MROH1: variants seen among roughly 807,000 people sequenced by gnomAD.
MROH1 encodes maestro heat like repeat family member 1.
In MROH1, 117 loss-of-function variants were observed where a neutral mutation model predicts 116.5. That is an observed-to-expected ratio of 1.00 (90% confidence interval 0.86 to 1.17). MROH1 has a LOEUF of 1.17. Among genes scored for constraint, MROH1 ranks in the 50% most tolerant of loss-of-function variants. The pLI, the probability that MROH1 is intolerant of heterozygous loss-of-function variation, is 0.00. For synonymous variants in MROH1, 921 were observed against 583.9 expected (o/e 1.58, Z -8.32); for missense variants, 1,873 against 1,338.5 (o/e 1.40, Z -6.23).
At chr8:144,161,495 G>T (rs1819516777) in intron 2 of MROH1, among the ~76,000 whole-genome samples, 1 of 152,180 alleles carries the variant, frequency 6.6e-6, no homozygotes. Context: ...TAGGTGTTTT[G>T]CTGGGCCCTA....
chr8:144,244,034 G>C (rs1362858466), intron 26 of MROH1, 92 bp downstream of exon 26: 1 of 724,092 alleles, frequency 1.4e-6, no homozygotes. Context: ...GCGTGTGCAT[G>C]TGCGTGTGTG....
chr8:144,258,858 C>G lies in MROH1; in HGVS notation c.3873C>G (p.Gly1291=), dbSNP rs1844425167. ...TACAGCGCATGGACCTGGAGGGAGG[C>G]TGGGAACTGCTCAGGACCTCGGCGG... ...DVVQRMDLEG[G]WELLRTSAGH... The change falls in exon 36 of 44, where the codon GGC becomes GGG. Residue 1291 remains glycine (G), a synonymous_variant. Transcript: ENST00000326134. The G allele has an allele frequency of 1.3e-6, 1 of 769,540 alleles. No homozygotes were observed. The highest frequency in any genetic ancestry group is 1.4e-5 in the South Asian group (1 of 72,768). 47.7% of individuals were successfully genotyped at this position (769,540 alleles called of 1,614,324 possible). A position where few individuals can be genotyped will look rare whatever the true frequency, so the allele number is the denominator to read the frequency against.
chr8:144,214,090 C>G (rs915764784), intron 12 of MROH1: 2 of 152,254 alleles, frequency 1.3e-5, no homozygotes, highest in African/African-American at 4.8e-5. Flanking sequence ...CCTTTCTGCT[C>G]CCACCAGCAA....
chr8:144,159,527 C>T (rs1033286517), intron 1 of MROH1, among the ~76,000 whole-genome samples: 1 of 152,198 alleles, frequency 6.6e-6, no homozygotes, highest in Non-Finnish European at 1.5e-5. Context: ...TCTAATGTGA[C>T]TCCAGCTTTC....
intron 3 of MROH1, among the ~76,000 whole-genome samples, 171 bp downstream of exon 3, chr8:144,164,019 TC>T (rs1820173642): frequency 6.6e-6 from 1 of 151,634 alleles, no homozygotes; most frequent in African/African-American, 2.4e-5. Flanking sequence ...TGTAGACTTC[TC>T]CCACACGAGC....
intron 10 of MROH1, among the ~76,000 whole-genome samples, chr8:144,194,092 C>A (rs1238593297): frequency 6.6e-6 from 1 of 152,060 alleles, no homozygotes; most frequent in Admixed American, 6.6e-5. Context: ...GATGGAGTTT[C>A]GCTCTTGTTG....
At position 144,168,579 on chromosome 8, in the gene MROH1, C is replaced by T. The variant is rs547661935; in HGVS notation, c.168+139C>T. On this transcript the variant is annotated intron_variant, in intron 4 of 43. Coordinates refer to ENST00000326134, the MANE Select transcript of MROH1 (RefSeq NM_032450.3). ...GTGGCCACATGTCTAACCCCCTCCA[C>T]ACGTGCCTATGTCAGGGTGGGTAAC... The T allele has an allele frequency of 9.1e-6, 9 of 991,608 alleles. No individual in the cohort carries two copies. In the Admixed American group the frequency reaches 2.0e-4, roughly 22 times the overall value. 61.4% of individuals were successfully genotyped at this position (991,608 alleles called of 1,614,324 possible). A position where few individuals can be genotyped will look rare whatever the true frequency, so the allele number is the denominator to read the frequency against.
chr8:144,239,830 G>A, intron 18 of MROH1, 75 bp downstream of exon 18: 1 of 702,804 alleles, frequency 1.4e-6, no homozygotes, highest in Non-Finnish European at 2.7e-6. Context: ...TGCTAGCTCT[G>A]ACCCCACCTT....
intron 14 of MROH1, among the ~76,000 whole-genome samples, chr8:144,223,766 C>T (rs1837282869): frequency 6.6e-6 from 1 of 152,202 alleles, no homozygotes; most frequent in Non-Finnish European, 1.5e-5. Flanking sequence ...GGCTGCTGAG[C>T]GCATCGGTGC....
At chr8:144,228,417 C>T (rs555999379) in intron 14 of MROH1, among the ~76,000 whole-genome samples, 2 of 152,278 alleles carry the variant, frequency 1.3e-5, no homozygotes, top group East Asian at 3.9e-4. Flanking sequence ...ATATTGATAG[C>T]TGCTGGACTG....
chr8:144,218,587 A>G (rs114634586), intron 12 of MROH1, among the ~76,000 whole-genome samples: 4,566 of 150,046 alleles, frequency 0.03, 243 homozygotes, highest in African/African-American at 0.11. Context: ...TTCCAGCTCA[A>G]TTCATACTAT....
intron 14 of MROH1, among the ~76,000 whole-genome samples, chr8:144,236,414 G>A (rs1329801603): frequency 6.6e-6 from 1 of 152,094 alleles, no homozygotes; most frequent in Non-Finnish European, 1.5e-5. Flanking sequence ...AGATCTTTGG[G>A]ATTAAGTAAA....
intron 14 of MROH1, among the ~76,000 whole-genome samples, chr8:144,235,153 C>T (rs1208910020): frequency 2.0e-5 from 3 of 152,176 alleles, no homozygotes; most frequent in Non-Finnish European, 4.4e-5. Flanking sequence ...ATCTTGGCCT[C>T]CCAAAGTGCA....
chr8:144,240,687 C>T lies in MROH1; in HGVS notation c.1935+10C>T. Reference sequence around the variant, plus strand: ...GGCACCCCAGGAGAAGGTGGGGCACCTGCTGGCGTTCTTGGTGTGGTACTT... The same window carrying T: ...GGCACCCCAGGAGAAGGTGGGGCACTTGCTGGCGTTCTTGGTGTGGTACTT... On this transcript the variant is annotated intron_variant, in intron 20 of 43. Transcript: ENST00000326134. The T allele has an allele frequency of 1.4e-6, 1 of 715,542 alleles. No homozygotes were observed. Among genetic ancestry groups the T allele is most frequent in the South Asian group, 1.5e-5 (1 of 67,534 alleles). 44.3% of individuals were successfully genotyped at this position (715,542 alleles called of 1,614,324 possible).
At chr8:144,247,153 G>C in intron 29 of MROH1, 148 bp from the exon 30 acceptor site, 1 of 656,752 alleles carries the variant, frequency 1.5e-6, no homozygotes, top group South Asian at 1.7e-5. Flanking sequence ...AACTCACTGG[G>C]AGCTGTGTTG....
intron 1 of MROH1, among the ~76,000 whole-genome samples, chr8:144,158,592 T>C (rs1818740278): frequency 6.6e-6 from 1 of 152,234 alleles, no homozygotes; most frequent in African/African-American, 2.4e-5. Context: ...AATTTCACTT[T>C]TGATTCCTTT....
At chr8:144,256,384 C>CCGCA (rs1665238249) in intron 35 of MROH1, among the ~76,000 whole-genome samples, 4 of 133,548 alleles carry the variant, frequency 3.0e-5, no homozygotes, top group African/African-American at 8.7e-5. Context: ...AGGGGGACAG[C>CCGCA]CTCACTTCAG....
At chr8:144,226,039 C>T (rs528956977) in intron 14 of MROH1, among the ~76,000 whole-genome samples, 388 of 149,458 alleles carry the variant, frequency 2.6e-3, no homozygotes, top group Non-Finnish European at 3.9e-3. Context: ...CTCAGCCTCC[C>T]GGGTAGCTGG....
chr8:144,241,272 ATG>A, intron 21 of MROH1, 121 bp from the exon 22 acceptor site: 1 of 692,500 alleles, frequency 1.4e-6, no homozygotes. Context: ...GCATGTGTTG[ATG>A]TGTGTGCAAG....
Sources: gnomAD v4.1 joint callset for allele counts (sites outside exome capture counted in the v4.1 genomes callset) on GRCh38, gnomAD v4.1.1 for gene constraint, MANE v1.5 for transcripts, NCBI Gene and HGNC (gene_info 2026-07-23, HGNC 2026-07-21) for gene names.